Variants in SOX5 observed in about 807,000 individuals in gnomAD.
The protein encoded by SOX5 is transcription factor SOX-5.
Under a neutral mutation model 92.0 loss-of-function variants are expected in SOX5, and 9 were observed. The observed-to-expected ratio is 0.10, with a 90% CI of 0.06 to 0.17. SOX5 has a LOEUF of 0.17. Ranked by LOEUF, SOX5 falls within the 10% of genes least tolerant of loss-of-function variation. The pLI, the probability that SOX5 is intolerant of heterozygous loss-of-function variation, is 1.00. For synonymous variants in SOX5, 344 were observed against 336.3 expected, an observed-to-expected ratio of 1.02 and a Z score of -0.25; for missense variants, 642 against 944.5, an observed-to-expected ratio of 0.68 and a Z score of 4.20.
At chr12:23,938,909 A>G (rs1943110997) in intron 1 of SOX5, among the ~76,000 whole-genome samples, 1 of 151,058 alleles carries the variant, frequency 6.6e-6, no homozygotes, top group Non-Finnish European at 1.5e-5. Context: ...TAATTTGCAG[A>G]TATCTGACTA....
intron 2 of SOX5, among the ~76,000 whole-genome samples, chr12:24,305,892 CA>C: frequency 6.6e-6 from 1 of 152,188 alleles, no homozygotes; most frequent in South Asian, 2.1e-4. Flanking sequence ...CCACCGCGCC[CA>C]GCCGATGAAA....
chr12:24,148,552 GA>G (rs1183116197), intron 4 of SOX5, among the ~76,000 whole-genome samples: 1 of 141,234 alleles, frequency 7.1e-6, no homozygotes, highest in Non-Finnish European at 1.5e-5. Flanking sequence ...ATAGACTTTA[GA>G]AACAAACTCA....
At chr12:23,635,189 G>A (rs1170148857) in intron 8 of SOX5, among the ~76,000 whole-genome samples, 1 of 152,136 alleles carries the variant, frequency 6.6e-6, no homozygotes, top group Non-Finnish European at 1.5e-5. Flanking sequence ...AACCTGAGGG[G>A]TAAGTGGGAT....
chr12:23,889,251 G>A (rs772560271), intron 2 of SOX5, among the ~76,000 whole-genome samples: 3 of 152,050 alleles, frequency 2.0e-5, no homozygotes, highest in South Asian at 2.1e-4. Context: ...TAAGTTTGAC[G>A]TACAAAGGTA....
chr12:24,250,752 G>A (rs980855711), intron 3 of SOX5, among the ~76,000 whole-genome samples: 2 of 152,074 alleles, frequency 1.3e-5, no homozygotes, highest in South Asian at 4.1e-4. Flanking sequence ...ATCACTGAAG[G>A]TACCCAAACA....
At chr12:24,291,548 T>A (rs1312189174) in intron 2 of SOX5, among the ~76,000 whole-genome samples, 1 of 152,226 alleles carries the variant, frequency 6.6e-6, no homozygotes, top group South Asian at 2.1e-4. Flanking sequence ...CTGCTAATGT[T>A]CATCTTATTC....
At chr12:23,978,164 A>T (rs1193220310) in intron 4 of SOX5, among the ~76,000 whole-genome samples, 2 of 152,318 alleles carry the variant, frequency 1.3e-5, no homozygotes, top group Non-Finnish European at 2.9e-5. Context: ...AAACCACTGC[A>T]AAATTTGCCT....
chr12:24,264,355 GAA>G (rs1420517615), intron 3 of SOX5, among the ~76,000 whole-genome samples: 1 of 151,980 alleles, frequency 6.6e-6, no homozygotes, highest in East Asian at 1.9e-4. Flanking sequence ...TCTTGCTCTT[GAA>G]AAGTTATATT....
chr12:24,051,149 T>G (rs566928870), intron 4 of SOX5, among the ~76,000 whole-genome samples: 9 of 152,174 alleles, frequency 5.9e-5, no homozygotes, highest in Non-Finnish European at 1.2e-4. Flanking sequence ...GAAAAGATTA[T>G]TAAAGATTCA....
intron 4 of SOX5, among the ~76,000 whole-genome samples, chr12:24,094,836 G>A (rs1041488515): frequency 1.3e-5 from 2 of 152,008 alleles, no homozygotes; most frequent in African/African-American, 2.4e-5. Context: ...TGGCCCATAA[G>A]ATTAACTCAG....
At chr12:24,373,122 A>AG (rs201093034) in intron 1 of SOX5, among the ~76,000 whole-genome samples, 3 of 100,526 alleles carry the variant, frequency 3.0e-5, no homozygotes, top group Admixed American at 1.0e-4. Flanking sequence ...CAGTGTCAAG[A>AG]GGAAAAAAAA....
intron 4 of SOX5, among the ~76,000 whole-genome samples, chr12:24,093,943 T>TTTG (rs1944994888): frequency 1.3e-5 from 2 of 152,160 alleles, no homozygotes; most frequent in African/African-American, 2.4e-5. Context: ...GTGTATCTTT[T>TTTG]TTTGTTTGTT....
At chr12:24,164,483 T>C (rs1953152530) in intron 4 of SOX5, among the ~76,000 whole-genome samples, 1 of 152,078 alleles carries the variant, frequency 6.6e-6, no homozygotes, top group Non-Finnish European at 1.5e-5. Flanking sequence ...TAATGTTGTC[T>C]ATTTAACTGT....
chr12:23,695,507 T>C (rs12366569), intron 6 of SOX5, among the ~76,000 whole-genome samples: 12,551 of 152,276 alleles, frequency 0.082, 680 homozygotes, highest in Non-Finnish European at 0.12. Context: ...CTTAAATAAG[T>C]ATTGAGTTTT....
At chr12:24,095,166 GAGAGACAGAGAC>G (rs1187483304) in intron 4 of SOX5, among the ~76,000 whole-genome samples, 1 of 149,240 alleles carries the variant, frequency 6.7e-6, no homozygotes, top group Non-Finnish European at 1.5e-5. Context: ...GACAGAGACA[GAGAGACAGAGAC>G]AGAGAGAGAG....
At chr12:24,487,550 TA>T (rs1946642463) in intron 1 of SOX5, among the ~76,000 whole-genome samples, 1 of 152,200 alleles carries the variant, frequency 6.6e-6, no homozygotes, top group South Asian at 2.1e-4. Flanking sequence ...AATTTTTCCC[TA>T]ATATTATTTG....
rs1949974125 is a variant in SOX5 at position 23,985,403 on chromosome 12, C to T, written c.-1-89379G>A. ...GTGCTGGGATTACAGGAATGAGCCA[C>T]CATGCCTGGCCTGTATTTTTTAATT... On this transcript the variant is annotated intron_variant, in intron 4 of 4. Transcript: ENST00000446891. 2.6e-5 allele frequency among the ~76,000 whole-genome samples: 4 copies of T among 152,054 alleles called. No homozygotes were observed. The South Asian group carries it at 6.2e-4, about 24-fold the overall frequency.
At chr12:23,590,743 G>T (rs1392340876) in intron 9 of SOX5, among the ~76,000 whole-genome samples, 1 of 151,972 alleles carries the variant, frequency 6.6e-6, no homozygotes, top group Non-Finnish European at 1.5e-5. Context: ...ATCCTCTATA[G>T]AAGTTGTTTT....
At chr12:24,248,009 G>A (rs1324719964) in intron 3 of SOX5, among the ~76,000 whole-genome samples, 1 of 152,200 alleles carries the variant, frequency 6.6e-6, no homozygotes, top group South Asian at 2.1e-4. Context: ...TTTCTTTTAA[G>A]CTACTTCTTA....
Sources: gnomAD v4.1 joint callset for allele counts (sites outside exome capture counted in the v4.1 genomes callset) on GRCh38, gnomAD v4.1.1 for gene constraint, MANE v1.5 for transcripts, NCBI Gene and HGNC (gene_info 2026-07-23, HGNC 2026-07-21) for gene names.